FOXN1: variants seen among roughly 807,000 people sequenced by gnomAD.
FOXN1 encodes forkhead box N1, also known as forkhead box protein N1.
In FOXN1, 15 loss-of-function variants were observed where a neutral mutation model predicts 49.0. That is an observed-to-expected ratio of 0.31 (90% CI 0.20 to 0.47). The LOEUF is 0.47. Ranked by LOEUF, FOXN1 falls within the 20% of genes least tolerant of loss-of-function variation. The pLI, the probability that FOXN1 is intolerant of heterozygous loss-of-function variation, is 1.00. For synonymous variants in FOXN1, 356 were observed against 369.0 expected (o/e 0.96, Z 0.40); for missense variants, 800 against 842.8 (o/e 0.95, Z 0.63).
intron 3 of FOXN1, among the ~76,000 whole-genome samples, chr17:28,526,798 C>A (rs1308271759): frequency 2.0e-5 from 3 of 152,182 alleles, no homozygotes; most frequent in Non-Finnish European, 2.9e-5. Context: ...GCCTGTCTGG[C>A]CACTACCCAT....
In FOXN1 at chr17:28,524,544, C is replaced by T. The variant is rs1041633589; in HGVS notation, c.165C>T (p.Gly55=). The change falls in exon 3 of 9, where the codon GGC becomes GGT. Residue 55 remains glycine (G), a synonymous_variant. Transcript: ENST00000579795. ...GFSCSSFVSD[G]PPERTPSLPP... is the part of the protein sequence containing the mutation. ...GCTGCTCGTCATTTGTGTCCGACGG[C>T]CCTCCAGAGAGGACACCCTCACTGC... The T allele has an allele frequency of 2.5e-6, 4 of 1,613,614 alleles. No homozygotes were observed. The highest frequency in any genetic ancestry group is 3.4e-6 in the Non-Finnish European group (4 of 1,180,018).
intron 6 of FOXN1, 70 bp downstream of exon 6, chr17:28,530,915 G>T: frequency 1.1e-6 from 1 of 880,690 alleles, no homozygotes; most frequent in South Asian, 1.3e-5. Flanking sequence ...CTGAGCAGAG[G>T]CTTCTGTCTG....
chr17:28,531,976 C>T (rs566092613), intron 6 of FOXN1, among the ~76,000 whole-genome samples: 15 of 152,086 alleles, frequency 9.9e-5, no homozygotes, highest in African/African-American at 3.4e-4. Flanking sequence ...GGAGGTGAGT[C>T]GTCCCTGGAA....
intron 3 of FOXN1, 134 bp downstream of exon 3, chr17:28,525,101 G>C: frequency 1.3e-6 from 1 of 752,720 alleles, no homozygotes; most frequent in East Asian, 2.7e-5. Flanking sequence ...CAGAGAGTTG[G>C]GGCCTCCTGG....
chr17:28,518,277 C>A lies in FOXN1; in HGVS notation c.-14-5679C>A, dbSNP rs1283556592. 3.3e-5 allele frequency among the ~76,000 whole-genome samples: 5 copies of A among 152,350 alleles called. No homozygotes were observed. In the East Asian group the frequency reaches 5.8e-4, roughly 18 times the overall value. On this transcript the variant is annotated intron_variant, in intron 1 of 8. Transcript: ENST00000579795. ...GGATTAGCCTCAGCATCTTTAGATG[C>A]AAATGGTCCCAGGGCCTCGTTTGAC...
chr17:28,537,073 T>C, intron 8 of FOXN1, 44 bp from the exon 9 acceptor site: 1 of 1,492,028 alleles, frequency 6.7e-7, no homozygotes, highest in Non-Finnish European at 9.4e-7. Flanking sequence ...ACAGGGCTCC[T>C]CCGGTGCCTC....
intron 6 of FOXN1, among the ~76,000 whole-genome samples, chr17:28,531,421 A>G (rs2069911419): frequency 6.6e-6 from 1 of 151,964 alleles, no homozygotes; most frequent in African/African-American, 2.4e-5. Flanking sequence ...GCAGAATCTC[A>G]TTTCTATCAT....
At chr17:28,535,687 G>A (rs1271461083) in intron 8 of FOXN1, among the ~76,000 whole-genome samples, 2 of 152,236 alleles carry the variant, frequency 1.3e-5, no homozygotes, top group Admixed American at 6.5e-5. Context: ...AGGTTGCAGT[G>A]AGCCAAGATC....
At chr17:28,511,447 G>A (rs1211680712) in intron 1 of FOXN1, among the ~76,000 whole-genome samples, 1 of 152,130 alleles carries the variant, frequency 6.6e-6, no homozygotes, top group Non-Finnish European at 1.5e-5. Flanking sequence ...AGCAGGACGA[G>A]GGCCCTCTTG....
At chr17:28,514,620 G>A (rs1033250948) in intron 1 of FOXN1, among the ~76,000 whole-genome samples, 2 of 152,104 alleles carry the variant, frequency 1.3e-5, no homozygotes, top group African/African-American at 4.8e-5. Flanking sequence ...GCCCTGGGTG[G>A]GGCTACAGGC....
intron 1 of FOXN1, among the ~76,000 whole-genome samples, chr17:28,513,070 C>A (rs2069425603): frequency 6.6e-6 from 1 of 152,070 alleles, no homozygotes. Context: ...AATAAACATC[C>A]CCAGCTTGGC....
At position 28,518,584 on chromosome 17, in the gene FOXN1, T is replaced by A. The variant is rs971700241; in HGVS notation, c.-14-5372T>A. On this transcript the variant is annotated intron_variant, in intron 1 of 8. Coordinates refer to ENST00000579795, the MANE Select transcript of FOXN1 (RefSeq NM_001369369.1). ...TTTCTGGGAAATTTCTCACTCGTCA[T>A]CCCCTCTACTCAAGTCAAAGGGCCG... 3.9e-5 allele frequency among the ~76,000 whole-genome samples: 6 copies of A among 152,262 alleles called. No homozygotes were observed. The East Asian group carries it at 1.2e-3, about 29-fold the overall frequency.
At chr17:28,509,168 T>C (rs12451838) in intron 1 of FOXN1, among the ~76,000 whole-genome samples, 26,203 of 151,746 alleles carry the variant, frequency 0.17, 2,520 homozygotes, top group East Asian at 0.29. Context: ...ATTGGGTCTT[T>C]CCAGCTTATT....
rs1011475425 is a variant in FOXN1, at chr17:28,537,678, G to A, written c.*242G>A. 32 of 601,366 alleles carry A rather than the reference G, an allele frequency of 5.3e-5. No individual in the cohort carries two copies. Among genetic ancestry groups the A allele is most frequent in the African/African-American group, 1.7e-4 (9 of 54,064 alleles). The allele number at this position is 601,366 out of a possible 1,614,324, so 37.3% of individuals were successfully genotyped here. ...CACCCAGGGCCCCCAAAGAGCAAGCGTCTGGGCAAGAGGAAAATGCCCTGT... is the reference window on the plus strand; with the variant it reads ...CACCCAGGGCCCCCAAAGAGCAAGCATCTGGGCAAGAGGAAAATGCCCTGT... On this transcript the variant is annotated 3_prime_UTR_variant, in exon 9 of 9. Coordinates refer to ENST00000579795, the MANE Select transcript of FOXN1 (RefSeq NM_001369369.1).
intron 1 of FOXN1, among the ~76,000 whole-genome samples, chr17:28,523,704 C>T (rs991757824): frequency 6.6e-6 from 1 of 152,196 alleles, no homozygotes; most frequent in Non-Finnish European, 1.5e-5. Flanking sequence ...AGGCTCCTAC[C>T]TGGCTCACTT....
In FOXN1 at chr17:28,537,158, G is replaced by T; in HGVS notation, c.1669G>T (p.Asp557Tyr). Residue 557 changes from aspartate to tyrosine, a missense_variant, in exon 9 of 9, where the codon GAC becomes TAC. By Grantham distance (160) the Asp-to-Tyr change is radical. Coordinates refer to ENST00000579795, the MANE Select transcript of FOXN1 (RefSeq NM_001369369.1). ...GTTGAAGGATGATAGCTTGGCCCTC[G>T]ACCCCCTGGTACTGGTGACCTCATC... ...EQLKDDSLAL[D>Y]PLVLVTSSPT... is the part of the protein sequence containing the mutation. 1 of 1,614,010 alleles carries T rather than the reference G, an allele frequency of 6.2e-7. No homozygotes were observed. Among genetic ancestry groups the T allele is most frequent in the Non-Finnish European group, 8.5e-7 (1 of 1,179,948 alleles).
At chr17:28,507,592 C>A (rs1050351443) in intron 1 of FOXN1, among the ~76,000 whole-genome samples, 1 of 152,210 alleles carries the variant, frequency 6.6e-6, no homozygotes, top group Non-Finnish European at 1.5e-5. Context: ...AGTTTCCTCA[C>A]AATCATGAAG....
intron 1 of FOXN1, among the ~76,000 whole-genome samples, chr17:28,519,384 C>A (rs776783510): frequency 1.3e-5 from 2 of 151,452 alleles, no homozygotes; most frequent in African/African-American, 4.8e-5. Flanking sequence ...TGTGGAACTG[C>A]GGCAAAGGGA....
chr17:28,528,972 A>G (rs926170803), intron 4 of FOXN1, 122 bp from the exon 5 acceptor site: 13 of 1,317,612 alleles, frequency 9.9e-6, no homozygotes, highest in Admixed American at 1.7e-5. Context: ...GATGGGGCCC[A>G]TGACCCAGGA....
Sources: allele counts gnomAD v4.1 joint callset (sites outside exome capture counted in the v4.1 genomes callset), GRCh38; gene constraint gnomAD v4.1.1; transcripts MANE v1.5; gene names NCBI Gene and HGNC (gene_info 2026-07-23, HGNC 2026-07-21).